Variants in GRIA3 observed in about 807,000 individuals in gnomAD.
GRIA3 encodes the protein glutamate ionotropic receptor AMPA type subunit 3, also known as glutamate receptor 3.
In GRIA3, 3 loss-of-function variants were observed where a neutral mutation model predicts 63.0. The observed-to-expected ratio is 0.05, with a 90% confidence interval of 0.02 to 0.12. The LOEUF (loss-of-function observed/expected upper bound fraction) is 0.12. Ranked by LOEUF, GRIA3 falls within the 10% of genes least tolerant of loss-of-function variation. The probability of loss-of-function intolerance (pLI) is 1.00; values close to 1 mark genes in which losing one functional copy is unlikely to be tolerated. For synonymous variants in GRIA3, 274 were observed against 257.9 expected (o/e 1.06, Z -0.60); for missense variants, 347 against 700.9 (o/e 0.50, Z 5.70).
At chrX:123,425,579 G>T (rs1349429017) in intron 11 of GRIA3, among the ~76,000 whole-genome samples, 1 of 112,025 alleles carries the variant, frequency 8.9e-6, no homozygotes, top group Non-Finnish European at 1.9e-5. Flanking sequence ...GACTCTGAAA[G>T]GTCTAAATGC....
chrX:123,332,009 T>G (rs2044944549), intron 4 of GRIA3, among the ~76,000 whole-genome samples: 1 of 111,880 alleles, frequency 8.9e-6, no homozygotes, highest in African/African-American at 3.2e-5. Context: ...TCTGTGTTCA[T>G]GAAAATCAGT....
At chrX:123,300,621 T>TG in intron 3 of GRIA3, among the ~76,000 whole-genome samples, 1 of 100,118 alleles carries the variant, frequency 1.0e-5, no homozygotes, top group East Asian at 3.1e-4. Flanking sequence ...TTTTAATGGT[T>TG]TTTTGTTTGT....
At chrX:123,354,872 C>T in intron 4 of GRIA3, 38 bp from the exon 5 acceptor site, 1 of 1,073,724 alleles carries the variant, frequency 9.3e-7, no homozygotes. Flanking sequence ...AAATGTCCTT[C>T]TTGAATAAGC....
intron 12 of GRIA3, among the ~76,000 whole-genome samples, chrX:123,439,795 T>G (rs1355196816): frequency 2.7e-5 from 2 of 75,046 alleles, no homozygotes; most frequent in Non-Finnish European, 5.0e-5. Context: ...TTCTTGTTCT[T>G]TTTTTTTTAT....
chrX:123,185,771 A>G, intron 1 of GRIA3, 61 bp from the exon 2 acceptor site: 1 of 1,017,980 alleles, frequency 9.8e-7, no homozygotes, highest in South Asian at 1.9e-5. Context: ...TTGTTCCCCA[A>G]TTCCTAACTG....
rs571908633 is a variant in GRIA3, at chrX:123,311,705, A to G, written c.509-14321A>G. 2.3e-4 allele frequency among the ~76,000 whole-genome samples: 26 copies of G among 112,195 alleles called. No individual in the cohort carries two copies. In the South Asian group the frequency reaches 9.3e-3, roughly 40 times the overall value. On this transcript the variant is annotated intron_variant, in intron 3 of 15. Transcript: ENST00000620443. The stretch of plus-strand genomic sequence containing the variant: ...ACATACCATTAGCCAGAGAACCATG[A>G]CTGTGTTTCTTTTAAGCACTGACTT...
intron 3 of GRIA3, 52 bp from the exon 4 acceptor site, chrX:123,325,974 A>T: frequency 9.8e-7 from 1 of 1,021,783 alleles, no homozygotes; most frequent in Non-Finnish European, 1.4e-6. Flanking sequence ...TAGAATCTTT[A>T]ATACCTACAG....
At chrX:123,437,974 T>C (rs2045654716) in intron 12 of GRIA3, among the ~76,000 whole-genome samples, 1 of 112,243 alleles carries the variant, frequency 8.9e-6, no homozygotes, top group African/African-American at 3.2e-5. Context: ...TATCACATTA[T>C]TAGTTTTTTT....
At chrX:123,329,169 C>T (rs747155222) in intron 4 of GRIA3, among the ~76,000 whole-genome samples, 12 of 111,800 alleles carry the variant, frequency 1.1e-4, no homozygotes, top group Non-Finnish European at 2.3e-4. Flanking sequence ...GAAACTTCTA[C>T]AGTCTCCCAC....
In GRIA3 at chrX:123,326,104, T is replaced by C. The variant is rs772898802; in HGVS notation, c.587T>C (p.Ile196Thr). The change falls in exon 4 of 16, where the codon ATA becomes ACA. Residue 196 changes from isoleucine (I) to threonine (T), a missense_variant. Transcript: ENST00000620443. ...WQVTARSVGNIKDVQEFRRII... is the reference protein window; with the variant it reads ...WQVTARSVGNTKDVQEFRRII... ...GTAACAGCAAGGTCTGTGGGAAACA[T>C]AAAGGACGTCCAAGAATTCAGGCGC... The C allele has an allele frequency of 5.8e-6, 7 of 1,206,697 alleles. No homozygotes were observed. In the Admixed American group the frequency reaches 1.5e-4, roughly 26 times the overall value.
At chrX:123,368,110 A>G (rs897117227) in intron 5 of GRIA3, among the ~76,000 whole-genome samples, 1 of 111,766 alleles carries the variant, frequency 8.9e-6, no homozygotes, top group African/African-American at 3.3e-5. Flanking sequence ...TGTGGGACAG[A>G]GAGAAGTCTG....
chrX:123,277,541 C>A (rs2044562097), intron 3 of GRIA3, among the ~76,000 whole-genome samples: 1 of 111,343 alleles, frequency 9.0e-6, no homozygotes, highest in Non-Finnish European at 1.9e-5. Flanking sequence ...ATAGATAGAG[C>A]CAGTGCATGT....
intron 2 of GRIA3, among the ~76,000 whole-genome samples, chrX:123,251,498 C>T (rs1319111789): frequency 5.4e-5 from 6 of 111,364 alleles, no homozygotes; most frequent in Non-Finnish European, 1.1e-4. Context: ...TGCAGCGGCA[C>T]GATCTCGGCT....
intron 5 of GRIA3, among the ~76,000 whole-genome samples, chrX:123,392,921 G>A (rs1389430809): frequency 5.4e-5 from 6 of 111,681 alleles, no homozygotes; most frequent in Non-Finnish European, 1.1e-4. Context: ...TAACAGTTAG[G>A]CTTAAACCCC....
At chrX:123,248,477 T>C (rs929924329) in intron 2 of GRIA3, among the ~76,000 whole-genome samples, 1 of 111,471 alleles carries the variant, frequency 9.0e-6, no homozygotes, top group African/African-American at 3.3e-5. Context: ...TACCAGAGAG[T>C]CTTCTGAGAT....
chrX:123,276,454 AG>A (rs1463003572), intron 3 of GRIA3, among the ~76,000 whole-genome samples: 2 of 111,757 alleles, frequency 1.8e-5, no homozygotes, highest in African/African-American at 3.3e-5. Context: ...TCCCTCACTG[AG>A]CCATGAGCTG....
At chrX:123,353,724 AT>A (rs1253633633) in intron 4 of GRIA3, among the ~76,000 whole-genome samples, 3 of 111,109 alleles carry the variant, frequency 2.7e-5, no homozygotes, top group Non-Finnish European at 5.7e-5. Flanking sequence ...ATAATTTTAT[AT>A]TTTTTTAAAG....
intron 10 of GRIA3, among the ~76,000 whole-genome samples, chrX:123,412,972 C>G (rs2045515164): frequency 9.0e-6 from 1 of 111,484 alleles, no homozygotes; most frequent in African/African-American, 3.3e-5. Flanking sequence ...AAGGCAGTGC[C>G]TAAGGGAAGC....
intron 2 of GRIA3, among the ~76,000 whole-genome samples, chrX:123,216,512 T>C (rs914142863): frequency 9.0e-6 from 1 of 111,204 alleles, no homozygotes; most frequent in Non-Finnish European, 1.9e-5. Context: ...TCTTCTCATA[T>C]CTAGTGGGGT....
Sources: allele counts gnomAD v4.1 joint callset (sites outside exome capture counted in the v4.1 genomes callset), GRCh38; gene constraint gnomAD v4.1.1; transcripts MANE v1.5; gene names NCBI Gene and HGNC (gene_info 2026-07-23, HGNC 2026-07-21).